Variants in ABCB1 observed in about 807,000 individuals in gnomAD.
The protein encoded by ABCB1 is ATP-dependent translocase ABCB1.
In ABCB1, 69 loss-of-function variants were observed where a neutral mutation model predicts 142.0. That is an observed-to-expected ratio of 0.49 (90% CI 0.40 to 0.59). The LOEUF (loss-of-function observed/expected upper bound fraction) is 0.59. ABCB1 is among the 20% of genes least tolerant of loss of function. The pLI is 0.00. For missense variants in ABCB1, 1,326 were observed against 1,554.7 expected (o/e 0.85, Z 2.47); for synonymous variants, 532 against 539.2 (o/e 0.99, Z 0.18).
chr7:87,576,315 A>G (rs1818273309), intron 4 of ABCB1, among the ~76,000 whole-genome samples: 1 of 151,548 alleles, frequency 6.6e-6, no homozygotes, highest in Non-Finnish European at 1.5e-5. Flanking sequence ...TTATATATCC[A>G]GTGCCCAACC....
At chr7:87,626,720 A>T (rs1820651587) in intron 1 of ABCB1, among the ~76,000 whole-genome samples, 1 of 68,744 alleles carries the variant, frequency 1.5e-5, no homozygotes, top group Admixed American at 1.5e-4. Flanking sequence ...TGTGTCATAT[A>T]TATGTGTCAT....
chr7:87,649,625 A>G (rs1823372024), intron 1 of ABCB1, among the ~76,000 whole-genome samples: 1 of 152,188 alleles, frequency 6.6e-6, no homozygotes, highest in Non-Finnish European at 1.5e-5. Context: ...TCTGATAAGG[A>G]AAAATATAGT....
At chr7:87,507,661 C>A (rs1814808318) in intron 26 of ABCB1, among the ~76,000 whole-genome samples, 1 of 152,112 alleles carries the variant, frequency 6.6e-6, no homozygotes, top group Non-Finnish European at 1.5e-5. Context: ...AAGAGAGCCA[C>A]CTGGTGTTGC....
chr7:87,529,243 T>C (rs1017285161), intron 21 of ABCB1, among the ~76,000 whole-genome samples: 1 of 152,178 alleles, frequency 6.6e-6, no homozygotes, highest in Non-Finnish European at 1.5e-5. Context: ...TCATTATCTA[T>C]CCAACAGGGA....
chr7:87,618,364 G>A (rs1236143357), intron 1 of ABCB1, among the ~76,000 whole-genome samples: 1 of 151,966 alleles, frequency 6.6e-6, no homozygotes, highest in Non-Finnish European at 1.5e-5. Context: ...GTCACTTAAT[G>A]GGCAACTAAA....
At chr7:87,679,087 CTTTT>C (rs35353390) in intron 1 of ABCB1, among the ~76,000 whole-genome samples, 6 of 60,762 alleles carry the variant, frequency 9.9e-5, no homozygotes, top group Non-Finnish European at 1.2e-4. Context: ...AACACCCCAA[CTTTT>C]TTTTTTTTTT....
At chr7:87,547,790 G>T (rs575567684) in intron 14 of ABCB1, among the ~76,000 whole-genome samples, 1 of 142,410 alleles carries the variant, frequency 7.0e-6, no homozygotes, top group Admixed American at 7.6e-5. Flanking sequence ...GGCAGAGGTT[G>T]CAGTGAGCCA....
intron 3 of ABCB1, among the ~76,000 whole-genome samples, chr7:87,592,795 C>T (rs138870083): frequency 6.9e-4 from 105 of 152,168 alleles, no homozygotes; most frequent in Non-Finnish European, 1.4e-3. Flanking sequence ...TTAACAAATG[C>T]CTGGTACAAG....
rs9641019 is a variant in ABCB1, at chr7:87,657,719, C to T, written c.-331+55442G>A. Among the ~76,000 whole-genome samples the T allele has an allele frequency of 3.8e-4, 58 of 152,244 alleles. 1 individual carries two copies. The East Asian group carries it at 9.9e-3, about 26-fold the overall frequency. The stretch of plus-strand genomic sequence containing the variant: ...AGGCCTGTTAGAGAGTTATGTCTTT[C>T]ACTGTCACCCAGTGGTAAGGAGGCC... On this transcript the variant is annotated intron_variant, in intron 1 of 28. Coordinates refer to the ABCB1 transcript ENST00000265724.
intron 4 of ABCB1, among the ~76,000 whole-genome samples, chr7:87,580,123 T>C (rs1347797418): frequency 6.6e-6 from 1 of 152,178 alleles, no homozygotes. Context: ...TTTTTCTGAG[T>C]ACTTATTATT....
At chr7:87,551,593 C>A (rs534045700) in intron 9 of ABCB1, among the ~76,000 whole-genome samples, 7 of 152,096 alleles carry the variant, frequency 4.6e-5, no homozygotes, top group Non-Finnish European at 7.4e-5. Context: ...TGGGTTCAGA[C>A]AACCCTCTCA....
At chr7:87,702,156 A>C (rs1382224345) in intron 1 of ABCB1, among the ~76,000 whole-genome samples, 1 of 149,790 alleles carries the variant, frequency 6.7e-6, no homozygotes, top group Non-Finnish European at 1.5e-5. Flanking sequence ...AAAAAAAAAA[A>C]AAAAAAAAAA....
intron 20 of ABCB1, among the ~76,000 whole-genome samples, chr7:87,534,758 T>A (rs1053607479): frequency 6.6e-6 from 1 of 151,334 alleles, no homozygotes; most frequent in African/African-American, 2.4e-5. Flanking sequence ...CTACAAAAAA[T>A]TTAAAAATTA....
chr7:87,648,067 C>T (rs899709671), intron 1 of ABCB1, among the ~76,000 whole-genome samples: 4 of 151,688 alleles, frequency 2.6e-5, no homozygotes, highest in Admixed American at 1.3e-4. Context: ...CGCCTGTAGT[C>T]CCAGCTACTC....
At chr7:87,511,922 T>C (rs1248546794) in intron 25 of ABCB1, among the ~76,000 whole-genome samples, 1 of 152,082 alleles carries the variant, frequency 6.6e-6, no homozygotes, top group Non-Finnish European at 1.5e-5. Flanking sequence ...AGGGGAAGAC[T>C]CAAAGCAGGG....
At chr7:87,696,105 G>A (rs373921913) in intron 1 of ABCB1, among the ~76,000 whole-genome samples, 9 of 152,222 alleles carry the variant, frequency 5.9e-5, no homozygotes, top group African/African-American at 1.7e-4. Context: ...TTGGGAAAAT[G>A]TTAACTTCCA....
At chr7:87,587,638 A>T (rs533478774) in intron 3 of ABCB1, among the ~76,000 whole-genome samples, 12 of 152,158 alleles carry the variant, frequency 7.9e-5, no homozygotes, top group African/African-American at 2.9e-4. Context: ...TTGGGAGGCC[A>T]AGGCGGGCAG....
At chr7:87,573,481 T>C (rs1356725102) in intron 4 of ABCB1, among the ~76,000 whole-genome samples, 4 of 152,230 alleles carry the variant, frequency 2.6e-5, no homozygotes, top group Admixed American at 1.3e-4. Flanking sequence ...TCACAGTTAA[T>C]GCTCTGGTTC....
chr7:87,655,024 C>T (rs775277344), intron 1 of ABCB1, among the ~76,000 whole-genome samples: 10 of 151,778 alleles, frequency 6.6e-5, no homozygotes, highest in South Asian at 4.2e-4. Context: ...ATCAAACAGC[C>T]GAAGGATAAC....
Sources: gnomAD v4.1 joint callset for allele counts (sites outside exome capture counted in the v4.1 genomes callset) on GRCh38, gnomAD v4.1.1 for gene constraint, MANE v1.5 for transcripts, NCBI Gene and HGNC (gene_info 2026-07-23, HGNC 2026-07-21) for gene names.